Variants in MBD5 observed in about 807,000 individuals in gnomAD.
The protein encoded by MBD5 is methyl-CpG-binding domain protein 5.
MBD5 carries 13 observed loss-of-function variants against 117.3 expected under a neutral mutation model. That is an observed-to-expected ratio of 0.11 (90% confidence interval 0.07 to 0.18). The LOEUF (loss-of-function observed/expected upper bound fraction) is 0.18. MBD5 is among the 10% of genes least tolerant of loss of function. The probability of loss-of-function intolerance (pLI) is 1.00; values close to 1 mark genes in which losing one functional copy is unlikely to be tolerated. For synonymous variants in MBD5, 727 were observed against 766.4 expected, an observed-to-expected ratio of 0.95 and a Z score of 0.85; for missense variants, 1,879 against 2,093.8, an observed-to-expected ratio of 0.90 and a Z score of 2.00.
intron 3 of MBD5, among the ~76,000 whole-genome samples, chr2:148,248,770 T>C (rs1700401047): frequency 6.6e-6 from 1 of 152,148 alleles, no homozygotes; most frequent in African/African-American, 2.4e-5. Flanking sequence ...TAGAGTGTGA[T>C]ACTGGTAAAA....
chr2:148,476,008 G>A (rs1379432071), intron 8 of MBD5, among the ~76,000 whole-genome samples: 1 of 152,150 alleles, frequency 6.6e-6, no homozygotes, highest in Non-Finnish European at 1.5e-5. Context: ...CCTTTTTACA[G>A]ATTAAAAGTG....
At chr2:148,118,318 A>G (rs1169352016) in intron 1 of MBD5, among the ~76,000 whole-genome samples, 4 of 152,118 alleles carry the variant, frequency 2.6e-5, no homozygotes, top group Non-Finnish European at 5.9e-5. Flanking sequence ...TGTTATTAAG[A>G]ATAACTATTA....
At chr2:148,062,098 A>G (rs1340849375) in intron 1 of MBD5, 1 of 151,790 alleles carries the variant, frequency 6.6e-6, no homozygotes, top group Non-Finnish European at 1.5e-5. Flanking sequence ...TTGTTTACAT[A>G]TTAGATTGAA....
Position 148,515,559 on chromosome 2 carries a change from T to C in MBD5, c.*2618T>C, listed in dbSNP as rs1434509262. 6.6e-6 allele frequency: 1 copy of C among 152,216 alleles called. No homozygotes were observed. Among genetic ancestry groups the C allele is most frequent in the Non-Finnish European group, 1.5e-5 (1 of 68,028 alleles). 9.4% of individuals were successfully genotyped at this position (152,216 alleles called of 1,614,324 possible). A position where few individuals can be genotyped will look rare whatever the true frequency, so the allele number is the denominator to read the frequency against. ...AAAAATTGGTCACTCGCACTTCAAT[T>C]TTGCCCATAGAGCCATTTCTTTGTC... is the stretch of plus-strand genomic sequence containing the variant. On this transcript the variant is annotated 3_prime_UTR_variant, in exon 14 of 14. Coordinates refer to ENST00000642680, the MANE Select transcript of MBD5 (RefSeq NM_001378120.1).
At chr2:148,323,790 G>A (rs1162750469) in intron 3 of MBD5, among the ~76,000 whole-genome samples, 1 of 152,104 alleles carries the variant, frequency 6.6e-6, no homozygotes, top group Non-Finnish European at 1.5e-5. Context: ...CATTTTGTAG[G>A]TTGCCTGTTC....
At chr2:148,032,914 A>T (rs1402766046) in intron 1 of MBD5, among the ~76,000 whole-genome samples, 1 of 152,216 alleles carries the variant, frequency 6.6e-6, no homozygotes, top group Admixed American at 6.5e-5. Flanking sequence ...GAAGGAGATT[A>T]AAAGTTATGT....
At chr2:148,240,245 C>T (rs913665050) in intron 3 of MBD5, among the ~76,000 whole-genome samples, 1 of 152,084 alleles carries the variant, frequency 6.6e-6, no homozygotes, top group African/African-American at 2.4e-5. Context: ...GGGTGGGGAA[C>T]ACCACACACT....
At chr2:148,502,748 T>C (rs909792778) in intron 12 of MBD5, among the ~76,000 whole-genome samples, 1 of 152,226 alleles carries the variant, frequency 6.6e-6, no homozygotes, top group Non-Finnish European at 1.5e-5. Context: ...TCTTTCTTCA[T>C]TCCCTGCATC....
At chr2:148,293,931 AT>A (rs1251360981) in intron 3 of MBD5, among the ~76,000 whole-genome samples, 1 of 152,182 alleles carries the variant, frequency 6.6e-6, no homozygotes, top group Non-Finnish European at 1.5e-5. Flanking sequence ...CTCCTACAAT[AT>A]TGTTTTATAC....
intron 1 of MBD5, among the ~76,000 whole-genome samples, chr2:148,175,536 T>C (rs972145460): frequency 5.3e-5 from 8 of 152,110 alleles, no homozygotes; most frequent in Admixed American, 2.0e-4. Flanking sequence ...ATAAGAAAAG[T>C]TGGAAGTGGA....
chr2:148,360,697 T>C (rs763856370), intron 4 of MBD5, among the ~76,000 whole-genome samples: 1 of 152,176 alleles, frequency 6.6e-6, no homozygotes, highest in Non-Finnish European at 1.5e-5. Flanking sequence ...TGATATTTAC[T>C]GTGAAACCTT....
At chr2:148,156,485 A>C (rs1697880199) in intron 1 of MBD5, among the ~76,000 whole-genome samples, 1 of 152,242 alleles carries the variant, frequency 6.6e-6, no homozygotes, top group Non-Finnish European at 1.5e-5. Flanking sequence ...CATCTTCTGT[A>C]AGAATCTTTT....
chr2:148,438,180 G>T (rs187605058), intron 4 of MBD5, among the ~76,000 whole-genome samples: 20 of 152,298 alleles, frequency 1.3e-4, no homozygotes, highest in Non-Finnish European at 2.6e-4. Context: ...GTATCATATT[G>T]ATGCTATATG....
chr2:148,459,512 C>A lies in MBD5; in HGVS notation c.113+641C>A, dbSNP rs980187963. Among the ~76,000 whole-genome samples, 6 of 152,210 alleles carry A rather than the reference C, an allele frequency of 3.9e-5. No homozygotes were observed. The South Asian group carries it at 8.3e-4, about 21-fold the overall frequency. On this transcript the variant is annotated intron_variant, in intron 5 of 13. Coordinates refer to ENST00000642680, the MANE Select transcript of MBD5 (RefSeq NM_001378120.1). ...CTGTTAAGAAGAAGTTTTAGTCTTA[C>A]TCATTAAATAGTTGACATCTAAGTT...
At chr2:148,284,304 A>C (rs1701321702) in intron 3 of MBD5, among the ~76,000 whole-genome samples, 1 of 152,280 alleles carries the variant, frequency 6.6e-6, no homozygotes, top group East Asian at 1.9e-4. Flanking sequence ...AAATAACCTT[A>C]AATATTGTCA....
intron 2 of MBD5, among the ~76,000 whole-genome samples, chr2:148,208,441 G>C (rs181561445): frequency 5.9e-5 from 9 of 152,082 alleles, no homozygotes; most frequent in Admixed American, 2.6e-4. Context: ...ATTTTTAGTA[G>C]AGATGGAGTT....
At chr2:148,245,534 C>G (rs1700317207) in intron 3 of MBD5, among the ~76,000 whole-genome samples, 2 of 152,086 alleles carry the variant, frequency 1.3e-5, no homozygotes, top group Admixed American at 1.3e-4. Context: ...GATGCTGAGG[C>G]TGCAGTGAGC....
At chr2:148,450,488 C>G (rs552556766) in intron 4 of MBD5, among the ~76,000 whole-genome samples, 3 of 152,264 alleles carry the variant, frequency 2.0e-5, no homozygotes, top group African/African-American at 4.8e-5. Context: ...ATCCCTGTTC[C>G]ACATAGTGCT....
intron 3 of MBD5, among the ~76,000 whole-genome samples, chr2:148,279,921 C>T (rs1172470639): frequency 6.6e-6 from 1 of 151,974 alleles, no homozygotes; most frequent in African/African-American, 2.4e-5. Context: ...GTAGCTGGGA[C>T]TAGAGGCACA....
Sources: allele counts gnomAD v4.1 joint callset (sites outside exome capture counted in the v4.1 genomes callset), GRCh38; gene constraint gnomAD v4.1.1; transcripts MANE v1.5; gene names NCBI Gene and HGNC (gene_info 2026-07-23, HGNC 2026-07-21).